Variants in ANK2 observed in about 807,000 individuals in gnomAD.
The protein encoded by ANK2 is ankyrin-2.
Under a neutral mutation model 360.5 loss-of-function variants are expected in ANK2, and 83 were observed. That is an observed-to-expected ratio of 0.23 (90% CI 0.19 to 0.28). The LOEUF (loss-of-function observed/expected upper bound fraction) is 0.28, where lower values mean the gene tolerates loss of function less well. Ranked by LOEUF, ANK2 falls within the 10% of genes least tolerant of loss-of-function variation. The probability of loss-of-function intolerance (pLI) is 1.00; values close to 1 mark genes in which losing one functional copy is unlikely to be tolerated. For synonymous variants in ANK2, 1,740 were observed against 1,759.5 expected (o/e 0.99, Z 0.28); for missense variants, 4,201 against 4,795.7 (o/e 0.88, Z 3.66).
chr4:113,052,716 G>A (rs1471546580), intron 1 of ANK2, among the ~76,000 whole-genome samples: 1 of 152,166 alleles, frequency 6.6e-6, no homozygotes, highest in South Asian at 2.1e-4. Flanking sequence ...GTACACTGGT[G>A]GTTGAACATG....
intron 2 of ANK2, among the ~76,000 whole-genome samples, chr4:113,006,476 A>G (rs184114441): frequency 1.3e-5 from 2 of 152,312 alleles, no homozygotes; most frequent in East Asian, 3.9e-4. Flanking sequence ...TTGAGCTCTC[A>G]TTATTTATCC....
chr4:113,359,317 G>C lies in ANK2; in HGVS notation c.10681+18G>C. On this transcript the variant is annotated intron_variant, in intron 38 of 45. Transcript: ENST00000357077. ...TGCTGAAGGTATTTGCCAGCCACCG[G>C]GATTCCCTGTGCTACGCATGTCATA... The C allele has an allele frequency of 1.2e-6, 2 of 1,612,754 alleles. No homozygotes were observed. The highest frequency in any genetic ancestry group is 1.7e-6 in the Non-Finnish European group (2 of 1,179,748).
intron 1 of ANK2, among the ~76,000 whole-genome samples, chr4:113,123,914 T>A (rs938760358): frequency 6.6e-6 from 1 of 152,186 alleles, no homozygotes; most frequent in African/African-American, 2.4e-5. Context: ...CTGGCAACTT[T>A]CTGAAAGTTT....
At chr4:112,730,645 A>AG in the ANK2 span, among the ~76,000 whole-genome samples, 1 of 150,412 alleles carries the variant, frequency 6.6e-6, no homozygotes, top group Non-Finnish European at 1.5e-5. Flanking sequence ...TCAAAAAAAA[A>AG]AAAAAAAAAA....
Position 113,316,622 on chromosome 4 carries a change from C to G in ANK2, c.2694-1085C>G, listed in dbSNP as rs138918801. Among the ~76,000 whole-genome samples the G allele has an allele frequency of 3.2e-4, 48 of 152,320 alleles. No homozygotes were observed. The East Asian group carries it at 6.2e-3, about 20-fold the overall frequency. On this transcript the variant is annotated intron_variant, in intron 24 of 45. Transcript: ENST00000357077. ...ATAAATATTGTGAAAGCTTGCGTAT[C>G]TCCTTTTTTTCCCTTATGGGCTTTG...
chr4:113,213,529 G>C (rs62313190), intron 4 of ANK2, among the ~76,000 whole-genome samples: 1 of 152,110 alleles, frequency 6.6e-6, no homozygotes, highest in African/African-American at 2.4e-5. Flanking sequence ...GGTCAGTGTA[G>C]TGTTCCCCTA....
intron 11 of ANK2, among the ~76,000 whole-genome samples, chr4:113,256,548 G>A (rs1333351060): frequency 2.0e-5 from 3 of 152,194 alleles, no homozygotes; most frequent in Non-Finnish European, 4.4e-5. Context: ...GCAGCTTTAT[G>A]TCTCCCCAGT....
intron 22 of ANK2, among the ~76,000 whole-genome samples, chr4:113,297,457 A>G (rs1220045821): frequency 6.6e-6 from 1 of 152,144 alleles, no homozygotes; most frequent in Non-Finnish European, 1.5e-5. Context: ...GTTTGAGGTG[A>G]TGGATATCCC....
At chr4:113,087,460 G>A (rs907118395) in intron 1 of ANK2, among the ~76,000 whole-genome samples, 14 of 152,178 alleles carry the variant, frequency 9.2e-5, no homozygotes, top group African/African-American at 3.4e-4. Flanking sequence ...TTTGTGTTAT[G>A]TTATTCTATA....
At chr4:113,303,436 T>C (rs29302) in intron 23 of ANK2, among the ~76,000 whole-genome samples, 82,045 of 151,988 alleles carry the variant, frequency 0.54, 22,592 homozygotes, top group South Asian at 0.63. Flanking sequence ...TGAAAAATGA[T>C]CTCAGGCAAT....
chr4:112,775,997 G>A, the ANK2 span, among the ~76,000 whole-genome samples: 4 of 152,174 alleles, frequency 2.6e-5, no homozygotes, highest in Admixed American at 2.6e-4. Flanking sequence ...ACAAGTTCCC[G>A]GGTGGTGCTG....
chr4:113,004,377 A>AT (rs1214680415), intron 2 of ANK2, among the ~76,000 whole-genome samples: 3 of 152,000 alleles, frequency 2.0e-5, no homozygotes, highest in South Asian at 2.1e-4. Flanking sequence ...CTATTTAAAA[A>AT]TTTTTTTTGT....
Position 113,356,881 on chromosome 4 carries a change from G to A in ANK2, c.8263G>A (p.Glu2755Lys), listed in dbSNP as rs2095817122. ...CCGTCATGCTGTTTCCACTGAGGCT[G>A]AAGACAGGTCTTATGATAAGCTAAA... ...EDRHAVSTEAEDRSYDKLNRD... is the reference protein window; with the variant it reads ...EDRHAVSTEAKDRSYDKLNRD... Residue 2755 changes from glutamate (E) to lysine (K), a missense_variant, in exon 38 of 46, where the codon GAA becomes AAA. Physicochemically the swap from Glu to Lys is moderately conservative, Grantham distance 56. Transcript: ENST00000357077. The A allele has an allele frequency of 3.7e-6, 6 of 1,614,084 alleles. No homozygotes were observed. The highest frequency in any genetic ancestry group is 5.1e-6 in the Non-Finnish European group (6 of 1,179,990).
rs3112980 is a variant in ANK2, at chr4:113,145,983, G to A, written c.85-28433G>A. 180,847 of 1,289,638 alleles carry A rather than the reference G, an allele frequency of 0.14. 13,730 individuals carry two copies. Among genetic ancestry groups the A allele is most frequent in the South Asian group, 0.16 (12,936 of 81,008 alleles). The allele number at this position is 1,289,638 out of a possible 1,614,324, so 79.9% of individuals were successfully genotyped here. ...CTACTATGGCTGTAACAGTGAGGAC[G>A]TCAAAGAACCTGGAGTGTGGGTAAG... On this transcript the variant is annotated intron_variant, in intron 1 of 45. Coordinates refer to ENST00000357077, the MANE Select transcript of ANK2 (RefSeq NM_001148.6).
chr4:113,364,999 C>T, intron 40 of ANK2, 40 bp from the exon 41 acceptor site: 2 of 1,612,334 alleles, frequency 1.2e-6, no homozygotes, highest in Non-Finnish European at 8.5e-7. Flanking sequence ...TTTAAGAGTA[C>T]CTCTCAGACA....
Position 113,381,535 on chromosome 4 carries a change from C to T in ANK2, c.*64C>T. 6.2e-7 allele frequency: 1 copy of T among 1,613,578 alleles called. No individual in the cohort carries two copies. Among genetic ancestry groups the T allele is most frequent in the Admixed American group, 1.7e-5 (1 of 59,964 alleles). ...ATGGAAAACGCATTGACTTGGAGCA[C>T]CTGGAGGATGTACCAGAAGCACTAG... On this transcript the variant is annotated 3_prime_UTR_variant, in exon 46 of 46. Coordinates refer to ENST00000357077, the MANE Select transcript of ANK2 (RefSeq NM_001148.6).
At chr4:112,878,431 A>G (rs1402705533) in intron 1 of ANK2, among the ~76,000 whole-genome samples, 1 of 152,086 alleles carries the variant, frequency 6.6e-6, no homozygotes, top group Non-Finnish European at 1.5e-5. Flanking sequence ...GGTTCAAGCG[A>G]TTCTCCTGCC....
intron 1 of ANK2, among the ~76,000 whole-genome samples, chr4:112,855,215 G>A (rs1015785125): frequency 6.6e-6 from 1 of 152,176 alleles, no homozygotes. Context: ...GGCACTGCCT[G>A]CTGGGATCAC....
chr4:113,271,624 G>A lies in ANK2; in HGVS notation c.1486-2828G>A, dbSNP rs29406. 3.7e-3 allele frequency among the ~76,000 whole-genome samples: 566 copies of A among 152,290 alleles called. 3 individuals carry two copies. The highest frequency in any genetic ancestry group is 0.012 in the African/African-American group (511 of 41,548). On this transcript the variant is annotated intron_variant, in intron 14 of 45. Transcript: ENST00000357077. Reference sequence around the variant, plus strand: ...TGAGCTCCAAGGTTGAGATTGCTGCGTAGTTCACAATCTTCTCAATCAGGT... The same window carrying A: ...TGAGCTCCAAGGTTGAGATTGCTGCATAGTTCACAATCTTCTCAATCAGGT...
Sources: gnomAD v4.1 joint callset for allele counts (sites outside exome capture counted in the v4.1 genomes callset) on GRCh38, gnomAD v4.1.1 for gene constraint, MANE v1.5 for transcripts, NCBI Gene and HGNC (gene_info 2026-07-23, HGNC 2026-07-21) for gene names.